SMO: variants seen among roughly 807,000 people sequenced by gnomAD.
SMO encodes the protein smoothened, frizzled class receptor.
SMO carries 40 observed loss-of-function variants against 81.6 expected under a neutral mutation model. The ratio of observed to expected loss-of-function variants is 0.49; its 90% CI spans 0.38 to 0.64. SMO has a LOEUF of 0.64. SMO is among the 30% of genes least tolerant of loss of function. The probability of loss-of-function intolerance (pLI) is 0.00; values close to 1 mark genes in which losing one functional copy is unlikely to be tolerated. For missense variants in SMO, 916 were observed against 1,061.1 expected, an observed-to-expected ratio of 0.86 and a Z score of 1.90; for synonymous variants, 434 against 432.1, an observed-to-expected ratio of 1.00 and a Z score of -0.05.
rs761312608 is a variant in SMO at position 129,211,440 on chromosome 7, G to A, written c.1802-196G>A. On this transcript the variant is annotated intron_variant, in intron 10 of 11. Coordinates refer to ENST00000249373, the MANE Select transcript of SMO (RefSeq NM_005631.5). This position sits in a 1 kb window ranked among gnomAD's most constrained non-coding sequence, Gnocchi z 4.6. Reference sequence around the variant, plus strand: ...CCAAGAACTGGATTTCTGGCCTCCAGTTAGGCCCTTTGGGGACGTGAGGCC... The same window carrying A: ...CCAAGAACTGGATTTCTGGCCTCCAATTAGGCCCTTTGGGGACGTGAGGCC... 8.2e-6 allele frequency: 6 copies of A among 735,048 alleles called. No individual in the cohort carries two copies. The highest frequency in any genetic ancestry group is 1.4e-5 in the Non-Finnish European group (6 of 414,956). 45.5% of individuals were successfully genotyped at this position (735,048 alleles called of 1,614,324 possible). A position where few individuals can be genotyped will look rare whatever the true frequency, so the allele number is the denominator to read the frequency against.
At chr7:129,209,030 C>CG in intron 7 of SMO, 179 bp downstream of exon 7, 2 of 620,206 alleles carry the variant, frequency 3.2e-6, no homozygotes, top group East Asian at 2.7e-5. Context: ...GGGGTCTACT[C>CG]GGGGGGAAGA....
intron 1 of SMO, among the ~76,000 whole-genome samples, chr7:129,202,166 G>A (rs753232683): frequency 6.6e-6 from 1 of 152,156 alleles, no homozygotes; most frequent in Non-Finnish European, 1.5e-5. Context: ...TGTGCCAAGG[G>A]CATTTAAAGC....
intron 8 of SMO, chr7:129,209,642 G>A (rs942580600): frequency 1.4e-5 from 7 of 486,174 alleles, no homozygotes; most frequent in South Asian, 8.1e-5. Context: ...GCTGGTGCAT[G>A]TGTGACTGTT....
At chr7:129,209,958 G>T (rs1251214807) in intron 8 of SMO, 1 of 182,242 alleles carries the variant, frequency 5.5e-6, no homozygotes, top group African/African-American at 2.3e-5. Flanking sequence ...AAAGGTTCCG[G>T]CTTCCAGTCT....
At chr7:129,207,170 C>G (rs894604824) in intron 6 of SMO, among the ~76,000 whole-genome samples, 3 of 152,178 alleles carry the variant, frequency 2.0e-5, no homozygotes, top group Admixed American at 2.0e-4. Context: ...GGAGTTGGGT[C>G]AGGATCCAGC....
At position 129,198,774 on chromosome 7, in the gene SMO, A is replaced by G. The variant is rs180709620; in HGVS notation, c.332-4610A>G. Among the ~76,000 whole-genome samples, 519 of 152,376 alleles carry G rather than the reference A, an allele frequency of 3.4e-3. 4 individuals are homozygous for G. The highest frequency in any genetic ancestry group is 0.012 in the African/African-American group (486 of 41,586). On this transcript the variant is annotated intron_variant, in intron 1 of 11. Coordinates refer to ENST00000249373, the MANE Select transcript of SMO (RefSeq NM_005631.5). ...GTTATACTGTATCAGCTAGGTGTGCAGTAGGCTATACCATCCAGGTTTGTG... is the reference window on the plus strand; with the variant it reads ...GTTATACTGTATCAGCTAGGTGTGCGGTAGGCTATACCATCCAGGTTTGTG...
At chr7:129,198,051 C>T (rs1456101301) in intron 1 of SMO, among the ~76,000 whole-genome samples, 1 of 152,164 alleles carries the variant, frequency 6.6e-6, no homozygotes, top group Non-Finnish European at 1.5e-5. Context: ...CTTTGGAAAG[C>T]TTCCCCATCC....
In SMO at chr7:129,189,939, G is replaced by GGACATGAT. The variant is rs1793458549; in HGVS notation, c.331+458_331+465dup. Among the ~76,000 whole-genome samples the GGACATGAT allele has an allele frequency of 6.6e-6, 1 of 151,952 alleles. No individual in the cohort carries two copies. Among genetic ancestry groups the GGACATGAT allele is most frequent in the South Asian group, 2.1e-4 (1 of 4,818 alleles). ...TAGACATTTGGAGGGAAGGGTAGGG[G>GGACATGAT]GACATGATCGAGTGAAGTTTTGAAG... On this transcript the variant is annotated intron_variant, in intron 1 of 11. Transcript: ENST00000249373. This position sits in a 1 kb window ranked among gnomAD's most constrained non-coding sequence, Gnocchi z 4.7.
chr7:129,203,271 G>C, intron 1 of SMO, 113 bp from the exon 2 acceptor site: 1 of 765,372 alleles, frequency 1.3e-6, no homozygotes, highest in Non-Finnish European at 2.2e-6. Flanking sequence ...TACCTGCCAG[G>C]TCTGACCAGT....
In SMO at chr7:129,203,481, C is replaced by A; in HGVS notation, c.429C>A (p.Ser143Arg). The A allele has an allele frequency of 6.3e-7, 1 of 1,596,728 alleles. No individual in the cohort carries two copies. The highest frequency in any genetic ancestry group is 8.5e-7 in the Non-Finnish European group (1 of 1,172,270). Reference sequence around the variant, plus strand: ...AGAATGACCGGGTGGAGCTGCCCAGCCGTACCCTCTGCCAGGCCACCCGAG... The same window carrying A: ...AGAATGACCGGGTGGAGCTGCCCAGACGTACCCTCTGCCAGGCCACCCGAG... The part of the protein sequence containing the change: ...KCENDRVELP[S>R]RTLCQATRGP... Residue 143 changes from serine to arginine, a missense_variant, in exon 2 of 12, where the codon AGC (serine) becomes AGA (arginine). Coordinates refer to ENST00000249373, the MANE Select transcript of SMO (RefSeq NM_005631.5).
chr7:129,206,176 T>C lies in SMO; in HGVS notation c.947T>C (p.Ile316Thr), dbSNP rs1584662360. 1 of 1,611,420 alleles carries C rather than the reference T, an allele frequency of 6.2e-7. No individual in the cohort carries two copies. The highest frequency in any genetic ancestry group is 2.2e-5 in the East Asian group (1 of 44,852). The change falls in exon 5 of 12, where the codon ATC becomes ACC. Residue 316 changes from isoleucine (I) to threonine (T), a missense_variant. Around this residue, in one of 4 missense-constraint regions of SMO, gnomAD observed 436 missense variants for 570.9 expected, o/e 0.76. Transcript: ENST00000249373. This position sits in a 1 kb window ranked among gnomAD's most constrained non-coding sequence, Gnocchi z 4.4. ...PTSNETLSCV[I>T]IFVIVYYALM... Reference sequence around the variant, plus strand: ...TCCAATGAGACTCTGTCCTGCGTCATCATCTTTGTCATCGTGTACTACGCC... The same window carrying C: ...TCCAATGAGACTCTGTCCTGCGTCACCATCTTTGTCATCGTGTACTACGCC...
At chr7:129,205,440 G>A (rs1182130007) in intron 3 of SMO, 28 bp downstream of exon 3, 3 of 1,594,946 alleles carry the variant, frequency 1.9e-6, no homozygotes, top group South Asian at 1.1e-5. Context: ...AGGCCCGGGG[G>A]GCCCTCAGCC....
intron 1 of SMO, among the ~76,000 whole-genome samples, chr7:129,192,976 A>C (rs1793501144): frequency 6.6e-6 from 1 of 152,176 alleles, no homozygotes; most frequent in African/African-American, 2.4e-5. Context: ...TCCAATTTCT[A>C]GGTCTGTATA....
chr7:129,208,833 G>T lies in SMO; in HGVS notation c.1339G>T (p.Glu447Ter), dbSNP rs1006687669. 1 of 1,613,624 alleles carries T rather than the reference G, an allele frequency of 6.2e-7. No individual in the cohort carries two copies. Among genetic ancestry groups the T allele is most frequent in the Admixed American group, 1.7e-5 (1 of 59,998 alleles). Residue 447 changes from glutamate (E) to a stop codon, truncating the protein, a stop_gained, in exon 7 of 12, where the codon GAG becomes TAG. Transcript: ENST00000249373. LOFTEE classifies it high-confidence loss of function. The surrounding 1 kb of genome is among the most constrained non-coding windows in gnomAD (Gnocchi z 5.2). ...TGAGAAGGCTGCCAGCAAGATCAAC[G>T]AGACCATGCTGCGCCTGGGTGAGTG... ...LSEKAASKIN[E>*]TMLRLGIFGF...
Position 129,211,103 on chromosome 7 carries a change from C to A in SMO, c.1791C>A (p.Asp597Glu). 6.2e-7 allele frequency: 1 copy of A among 1,607,472 alleles called. No individual in the cohort carries two copies. The highest frequency in any genetic ancestry group is 1.7e-4 in the Middle Eastern group (1 of 6,034). ...TCAGCATGCACACTGTGTCCCACGA[C>A]GGGCCCGTGGGTGAGCCTCACCCCT... ...LSFSMHTVSH[D>E]GPVAGLAFDL... The change falls in exon 10 of 12, where the codon GAC becomes GAA. Residue 597 changes from aspartate (D) to glutamate (E), a missense_variant. By Grantham distance (45) the Asp-to-Glu change is conservative (BLOSUM62 2). Around this residue, in one of 4 missense-constraint regions of SMO, gnomAD observed 324 missense variants for 312.9 expected, o/e 1.04. Transcript: ENST00000249373. This position sits in a 1 kb window ranked among gnomAD's most constrained non-coding sequence, Gnocchi z 4.6.
At chr7:129,202,824 CT>C (rs1250212762) in intron 1 of SMO, among the ~76,000 whole-genome samples, 1 of 152,140 alleles carries the variant, frequency 6.6e-6, no homozygotes, top group African/African-American at 2.4e-5. Flanking sequence ...GGGTGCACCC[CT>C]GAAAAGGTAA....
chr7:129,206,460 G>A lies in SMO; in HGVS notation c.1141-4G>A, dbSNP rs768185638. On this transcript the variant is annotated splice_region_variant and splice_polypyrimidine_tract_variant and intron_variant, in intron 5 of 11. Transcript: ENST00000249373. The surrounding 1 kb of genome is among the most constrained non-coding windows in gnomAD (Gnocchi z 4.4). ...ACCTTCTGTCCCACCCCTTCCTGCT[G>A]CAGGTGGATGGGGACTCTGTGAGTG... 4 of 1,614,000 alleles carry A rather than the reference G, an allele frequency of 2.5e-6. No homozygotes were observed. Among genetic ancestry groups the A allele is most frequent in the Non-Finnish European group, 3.4e-6 (4 of 1,179,900 alleles).
chr7:129,203,931 A>AG (rs1250369039), intron 2 of SMO, among the ~76,000 whole-genome samples: 2 of 151,618 alleles, frequency 1.3e-5, no homozygotes, highest in Non-Finnish European at 2.9e-5. Context: ...AAACAGCTAG[A>AG]GCCACCAAGA....
In SMO at chr7:129,206,391, G is replaced by A; in HGVS notation, c.1140+22G>A. 2 of 1,614,112 alleles carry A rather than the reference G, an allele frequency of 1.2e-6. No individual in the cohort carries two copies. Among genetic ancestry groups the A allele is most frequent in the Non-Finnish European group, 1.7e-6 (2 of 1,179,962 alleles). On this transcript the variant is annotated intron_variant, in intron 5 of 11. Coordinates refer to ENST00000249373, the MANE Select transcript of SMO (RefSeq NM_005631.5). The surrounding 1 kb of genome is among the most constrained non-coding windows in gnomAD (Gnocchi z 4.4). ...GCAGGTATAGTGACTGGTAGGAACG[G>A]GAGACCTGGATGGGGTGAGTTTGAG...
Sources: allele counts gnomAD v4.1 joint callset (sites outside exome capture counted in the v4.1 genomes callset), GRCh38; gene constraint gnomAD v4.1.1; regional missense constraint gnomAD v4.1.1; non-coding constraint Gnocchi (gnomAD v3.1); transcripts MANE v1.5; gene names NCBI Gene and HGNC (gene_info 2026-07-23, HGNC 2026-07-21).